The following CHEK2 variants were observed in gnomAD, a reference collection of about 807,000 sequenced individuals.
CHEK2 encodes the protein checkpoint kinase 2, also known as serine/threonine-protein kinase Chk2.
In CHEK2, 71 loss-of-function variants were observed where a neutral mutation model predicts 69.1. That is an observed-to-expected ratio of 1.03 (90% CI 0.85 to 1.25). The LOEUF (loss-of-function observed/expected upper bound fraction) is 1.25. Ranked by LOEUF, CHEK2 falls within the 50% of genes most tolerant of loss-of-function variation. CHEK2 has a pLI of 0.00. For missense variants in CHEK2, 664 were observed against 649.6 expected, an observed-to-expected ratio of 1.02 and a Z score of -0.24; for synonymous variants, 189 against 226.9, an observed-to-expected ratio of 0.83 and a Z score of 1.50.
At chr22:28,739,580 T>A (rs2054502444) in intron 1 of CHEK2, among the ~76,000 whole-genome samples, 1 of 151,800 alleles carries the variant, frequency 6.6e-6, no homozygotes, top group South Asian at 2.1e-4. Context: ...TCCCAGCTAC[T>A]TGGGAGGCTG....
At chr22:28,727,054 T>C (rs1218896568) in intron 2 of CHEK2, among the ~76,000 whole-genome samples, 1 of 152,086 alleles carries the variant, frequency 6.6e-6, no homozygotes, top group Non-Finnish European at 1.5e-5. Flanking sequence ...TCAGCTTTCT[T>C]TCTTTGAGAT....
At chr22:28,691,370 T>C (rs574882521) in intron 13 of CHEK2, among the ~76,000 whole-genome samples, 3 of 152,256 alleles carry the variant, frequency 2.0e-5, no homozygotes, top group African/African-American at 4.8e-5. Context: ...TCCCAGCCAC[T>C]TGGGAGGCTG....
intron 8 of CHEK2, 33 bp from the exon 9 acceptor site, chr22:28,699,970 C>T (rs2145845930): frequency 6.7e-7 from 1 of 1,503,676 alleles, no homozygotes; most frequent in Non-Finnish European, 9.2e-7. Flanking sequence ...GGGGTTCATT[C>T]CTGGGGGAAA....
intron 8 of CHEK2, among the ~76,000 whole-genome samples, chr22:28,702,872 A>C (rs927044560): frequency 1.3e-5 from 2 of 152,192 alleles, no homozygotes; most frequent in Non-Finnish European, 2.9e-5. Flanking sequence ...AATCTCTAAA[A>C]TACTTACAAA....
chr22:28,736,988 G>A (rs150849540), intron 1 of CHEK2, among the ~76,000 whole-genome samples: 173 of 152,028 alleles, frequency 1.1e-3, no homozygotes, highest in Non-Finnish European at 1.9e-3. Flanking sequence ...AGAACCACCA[G>A]TAAAATCAAA....
chr22:28,695,989 C>T (rs2052572273), intron 10 of CHEK2, 116 bp from the exon 11 acceptor site: 1 of 763,692 alleles, frequency 1.3e-6, no homozygotes, highest in Non-Finnish European at 2.3e-6. Flanking sequence ...GTACAATTCA[C>T]ACCTGCCATT....
Position 28,699,886 on chromosome 22 carries a change from T to A in CHEK2, c.960A>T (p.Lys320Asn), listed in dbSNP as rs1237880782. 6.2e-7 allele frequency: 1 copy of A among 1,614,140 alleles called. No individual in the cohort carries two copies. ...FDKVVGNKRL[K>N]EATCKLYFYQ... ...AAAAATAGAGCTTGCAGGTAGCTTC[T>A]TTCAGGCGTTTATTCCCCACCACTT... Residue 320 changes from lysine to asparagine, a missense_variant, in exon 9 of 15, where the codon AAA becomes AAT. Coordinates refer to ENST00000404276, the MANE Select transcript of CHEK2 (RefSeq NM_007194.4).
chr22:28,694,162 T>G lies in CHEK2; in HGVS notation c.1376-45A>C, dbSNP rs768592612. The stretch of plus-strand genomic sequence containing the variant: ...AATCACAGTGAAAAGGATAAATATA[T>G]TATCAGTAAGAGTATGCCAGAATTA... On this transcript the variant is annotated intron_variant, in intron 12 of 14. Transcript: ENST00000404276. 3.9e-6 allele frequency: 5 copies of G among 1,286,744 alleles called. No individual in the cohort carries two copies. The African/African-American group carries it at 7.3e-5, about 19-fold the overall frequency. 79.7% of individuals were successfully genotyped at this position (1,286,744 alleles called of 1,614,324 possible). A position where few individuals can be genotyped will look rare whatever the true frequency, so the allele number is the denominator to read the frequency against.
intron 4 of CHEK2, among the ~76,000 whole-genome samples, chr22:28,722,400 C>G (rs2053819344): frequency 6.6e-6 from 1 of 151,730 alleles, no homozygotes; most frequent in African/African-American, 2.4e-5. Flanking sequence ...ATTAGCCGGG[C>G]GCAGTGGCGG....
intron 9 of CHEK2, among the ~76,000 whole-genome samples, chr22:28,698,559 T>TA: frequency 1.3e-5 from 2 of 152,210 alleles, no homozygotes; most frequent in Middle Eastern, 6.8e-3. Context: ...AGATCAATCA[T>TA]AAAAAAATTT....
At chr22:28,698,801 A>C (rs1346891779) in intron 9 of CHEK2, among the ~76,000 whole-genome samples, 1 of 152,104 alleles carries the variant, frequency 6.6e-6, no homozygotes, top group Non-Finnish European at 1.5e-5. Context: ...AGGATGCTGC[A>C]CCTGAAGGGA....
chr22:28,706,988 A>G (rs575656739), intron 7 of CHEK2, among the ~76,000 whole-genome samples: 2 of 152,300 alleles, frequency 1.3e-5, no homozygotes, highest in South Asian at 4.1e-4. Flanking sequence ...GGAGAGAAGG[A>G]AAAAGGGAAC....
chr22:28,724,512 T>C (rs2053917125), intron 4 of CHEK2: 1 of 232,582 alleles, frequency 4.3e-6, no homozygotes, highest in Non-Finnish European at 8.7e-6. Flanking sequence ...AACTTTTTCA[T>C]AATTTTACAA....
chr22:28,689,753 A>G (rs1319767582), intron 13 of CHEK2, among the ~76,000 whole-genome samples: 2 of 152,236 alleles, frequency 1.3e-5, no homozygotes, highest in African/African-American at 4.8e-5. Context: ...AAAGGGAGAC[A>G]ATAAACAGAA....
At chr22:28,726,951 C>T (rs2054032913) in intron 2 of CHEK2, among the ~76,000 whole-genome samples, 1 of 151,612 alleles carries the variant, frequency 6.6e-6, no homozygotes, top group Admixed American at 6.6e-5. Context: ...TCTTCCCCAA[C>T]TACACAAATG....
rs1057521300 is a variant in CHEK2 at position 28,689,177 on chromosome 22, A to G, written c.1500T>C (p.Ser500=). ...GTAGAGCTGTGGATTCATTTTCCTC[A>G]GACAGAAGATCTTGAAACTTTCTCT... is the stretch of plus-strand genomic sequence containing the variant. The part of the protein sequence containing the change: ...DMKRKFQDLL[S]EENESTALPQ... The change falls in exon 14 of 15, where the codon TCT becomes TCC. Residue 500 remains serine (S), a synonymous_variant. Coordinates refer to ENST00000404276, the MANE Select transcript of CHEK2 (RefSeq NM_007194.4). The G allele has an allele frequency of 1.9e-6, 3 of 1,595,158 alleles. No homozygotes were observed. Among genetic ancestry groups the G allele is most frequent in the Non-Finnish European group, 1.7e-6 (2 of 1,178,664 alleles).
At chr22:28,690,154 C>T (rs1402006192) in intron 13 of CHEK2, among the ~76,000 whole-genome samples, 9 of 152,214 alleles carry the variant, frequency 5.9e-5, no homozygotes, top group Non-Finnish European at 1.5e-5. Context: ...GGAGAGGATA[C>T]AGTAAAGTCC....
intron 5 of CHEK2, among the ~76,000 whole-genome samples, chr22:28,719,002 G>C (rs951989487): frequency 6.6e-6 from 1 of 152,000 alleles, no homozygotes; most frequent in Non-Finnish European, 1.5e-5. Flanking sequence ...TAAGGCAGGA[G>C]GATGGGTTGA....
chr22:28,732,371 A>G (rs571992440), intron 2 of CHEK2, among the ~76,000 whole-genome samples: 1 of 152,210 alleles, frequency 6.6e-6, no homozygotes, highest in African/African-American at 2.4e-5. Context: ...TCGGCCTCCC[A>G]AAGTGCTGGG....
Sources: gnomAD v4.1 joint callset for allele counts (sites outside exome capture counted in the v4.1 genomes callset) on GRCh38, gnomAD v4.1.1 for gene constraint, MANE v1.5 for transcripts, NCBI Gene and HGNC (gene_info 2026-07-23, HGNC 2026-07-21) for gene names.